Variants in LRRC69 observed in about 807,000 individuals in gnomAD.
LRRC69 encodes the protein leucine-rich repeat-containing protein 69.
In LRRC69, 42 loss-of-function variants were observed where a neutral mutation model predicts 37.8. That is an observed-to-expected ratio of 1.11 (90% CI 0.87 to 1.44). The LOEUF (loss-of-function observed/expected upper bound fraction) is 1.44. Among genes scored for constraint, LRRC69 ranks in the 40% most tolerant of loss-of-function variants. LRRC69 has a pLI of 0.00. For synonymous variants in LRRC69, 141 were observed against 143.1 expected, an observed-to-expected ratio of 0.99 and a Z score of 0.11; for missense variants, 357 against 401.9, an observed-to-expected ratio of 0.89 and a Z score of 0.96.
At chr8:91,180,402 C>T (rs1809304117) in intron 5 of LRRC69, among the ~76,000 whole-genome samples, 1 of 152,146 alleles carries the variant, frequency 6.6e-6, no homozygotes, top group Non-Finnish European at 1.5e-5. Flanking sequence ...CTGGCTTCCC[C>T]CAGAGTAAGT....
intron 7 of LRRC69, among the ~76,000 whole-genome samples, chr8:91,211,616 A>ATATTTTTT (rs1554597817): frequency 7.3e-6 from 1 of 137,530 alleles, no homozygotes; most frequent in East Asian, 2.0e-4. Context: ...ATATATATAT[A>ATATTTTTT]TTTTTTTTTT....
intron 5 of LRRC69, among the ~76,000 whole-genome samples, chr8:91,165,037 C>T (rs977570105): frequency 4.0e-5 from 6 of 151,530 alleles, no homozygotes; most frequent in African/African-American, 7.3e-5. Context: ...AAGACTCCTA[C>T]GAAGGTTCAT....
chr8:91,108,362 A>G (rs1032513215), intron 1 of LRRC69, among the ~76,000 whole-genome samples: 2 of 152,118 alleles, frequency 1.3e-5, no homozygotes, highest in Non-Finnish European at 2.9e-5. Context: ...AGGTGGCAGC[A>G]GTACAAAAAG....
At position 91,102,708 on chromosome 8, in the gene LRRC69, C is replaced by G. The variant is rs200429038; in HGVS notation, c.47C>G (p.Thr16Arg). The G allele has an allele frequency of 2.6e-6, 4 of 1,551,386 alleles. No homozygotes were observed. In the South Asian group the frequency reaches 4.8e-5, roughly 18 times the overall value. Reference sequence around the variant, plus strand: ...AAAGCATTGAGTGGTGGTAAAAATACGAAGATCATTACTTTGAATGGGAAG... The same window carrying G: ...AAAGCATTGAGTGGTGGTAAAAATAGGAAGATCATTACTTTGAATGGGAAG... The change falls in exon 1 of 8, where the codon ACG becomes AGG. Residue 16 changes from threonine to arginine, a missense_variant. Physicochemically the swap from Thr to Arg is moderately conservative, Grantham distance 71. Transcript: ENST00000448384.
At chr8:91,133,347 G>T in intron 4 of LRRC69, 42 bp downstream of exon 4, 1 of 1,393,026 alleles carries the variant, frequency 7.2e-7, no homozygotes, top group Non-Finnish European at 9.5e-7. Flanking sequence ...TGTTGGAGAA[G>T]AACTCAACAT....
At chr8:91,199,648 T>C (rs1445063874) in intron 6 of LRRC69, among the ~76,000 whole-genome samples, 3 of 152,158 alleles carry the variant, frequency 2.0e-5, no homozygotes, top group African/African-American at 7.2e-5. Flanking sequence ...TCTTTCACTT[T>C]TGTTGGGAAA....
intron 1 of LRRC69, among the ~76,000 whole-genome samples, chr8:91,119,886 C>A (rs964855868): frequency 1.1e-4 from 17 of 151,922 alleles, no homozygotes; most frequent in Admixed American, 2.6e-4. Flanking sequence ...TTATCTAAGG[C>A]CAGCACCCAC....
intron 7 of LRRC69, among the ~76,000 whole-genome samples, chr8:91,210,660 G>T (rs1809897015): frequency 6.6e-6 from 1 of 151,500 alleles, no homozygotes; most frequent in Non-Finnish European, 1.5e-5. Flanking sequence ...AAGGAGATTT[G>T]ATATCTATAT....
chr8:91,145,781 A>G (rs1179279651), intron 5 of LRRC69, among the ~76,000 whole-genome samples: 1 of 151,846 alleles, frequency 6.6e-6, no homozygotes, highest in Non-Finnish European at 1.5e-5. Context: ...GAATGAGATC[A>G]TATTTTCTGC....
At chr8:91,142,566 C>A (rs1352544748) in intron 5 of LRRC69, among the ~76,000 whole-genome samples, 3 of 151,972 alleles carry the variant, frequency 2.0e-5, no homozygotes, top group African/African-American at 7.2e-5. Context: ...CATCAGAATC[C>A]CCTGGATGCC....
intron 5 of LRRC69, among the ~76,000 whole-genome samples, chr8:91,156,268 C>T (rs1808833252): frequency 6.6e-6 from 1 of 150,948 alleles, no homozygotes; most frequent in African/African-American, 2.4e-5. Flanking sequence ...GCCATTCCAA[C>T]TGGGATGAGA....
At chr8:91,103,070 A>G (rs1185214100) in intron 1 of LRRC69, among the ~76,000 whole-genome samples, 1 of 152,144 alleles carries the variant, frequency 6.6e-6, no homozygotes, top group Non-Finnish European at 1.5e-5. Flanking sequence ...TCTTTGGCCC[A>G]CATCTGGAGT....
intron 1 of LRRC69, among the ~76,000 whole-genome samples, chr8:91,113,292 A>G (rs76021458): frequency 0.025 from 3,768 of 152,162 alleles, 184 homozygotes; most frequent in African/African-American, 0.087. Context: ...AGCTAGAGGC[A>G]TTATACCTCC....
At chr8:91,156,454 T>C (rs368869874) in intron 5 of LRRC69, among the ~76,000 whole-genome samples, 5 of 151,118 alleles carry the variant, frequency 3.3e-5, no homozygotes, top group African/African-American at 1.2e-4. Context: ...AGTTGGGTTC[T>C]TTTTTATTCT....
intron 5 of LRRC69, among the ~76,000 whole-genome samples, chr8:91,162,028 A>G (rs1413845319): frequency 6.6e-6 from 1 of 151,466 alleles, no homozygotes; most frequent in East Asian, 2.0e-4. Flanking sequence ...GTGACTCAGG[A>G]GCACATTGTT....
chr8:91,171,277 C>T (rs1331143931), intron 5 of LRRC69, among the ~76,000 whole-genome samples: 1 of 138,130 alleles, frequency 7.2e-6, no homozygotes. Flanking sequence ...CTCCTCTTAC[C>T]CCCCATGAAA....
In LRRC69 at chr8:91,156,090, G is replaced by T. The variant is rs148885462; in HGVS notation, c.651+20351G>T. ...AGTAGTGGTAGTGCTAGATCATATG[G>T]TAGTTCTATTCATAGATTTTTGAGG... On this transcript the variant is annotated intron_variant, in intron 5 of 7. Transcript: ENST00000448384. 5.8e-3 allele frequency among the ~76,000 whole-genome samples: 875 copies of T among 150,818 alleles called. 8 individuals are homozygous for T. The highest frequency in any genetic ancestry group is 0.019 in the African/African-American group (789 of 41,372).
chr8:91,143,125 T>A (rs1295179360), intron 5 of LRRC69, among the ~76,000 whole-genome samples: 1 of 152,080 alleles, frequency 6.6e-6, no homozygotes, highest in Non-Finnish European at 1.5e-5. Flanking sequence ...ACAAAACTTC[T>A]TAAACATTTA....
At chr8:91,114,974 T>G (rs1330985861) in intron 1 of LRRC69, among the ~76,000 whole-genome samples, 2 of 152,086 alleles carry the variant, frequency 1.3e-5, no homozygotes, top group East Asian at 3.9e-4. Flanking sequence ...ATGATTTCAT[T>G]TATACATGGA....
Sources: allele counts gnomAD v4.1 joint callset (sites outside exome capture counted in the v4.1 genomes callset), GRCh38; gene constraint gnomAD v4.1.1; transcripts MANE v1.5; gene names NCBI Gene and HGNC (gene_info 2026-07-23, HGNC 2026-07-21).